Variants in RIT2 observed in about 807,000 individuals in gnomAD.
The protein encoded by RIT2 is GTP-binding protein Rit2.
RIT2 carries 24 observed loss-of-function variants against 23.7 expected under a neutral mutation model. The observed-to-expected ratio is 1.01, with a 90% CI of 0.73 to 1.43. The LOEUF (loss-of-function observed/expected upper bound fraction) is 1.43. Ranked by LOEUF, RIT2 falls within the 40% of genes most tolerant of loss-of-function variation. RIT2 has a pLI of 0.00. For missense variants in RIT2, 236 were observed against 266.9 expected (o/e 0.88, Z 0.81); for synonymous variants, 107 against 91.1 (o/e 1.17, Z -0.99).
At chr18:42,940,299 AT>A (rs1253169558) in intron 3 of RIT2, among the ~76,000 whole-genome samples, 3 of 144,572 alleles carry the variant, frequency 2.1e-5, no homozygotes, top group Admixed American at 7.1e-5. Context: ...ATATTAATAT[AT>A]TTAATATATT....
At chr18:42,768,945 G>A (rs1598646371) in intron 4 of RIT2, among the ~76,000 whole-genome samples, 1 of 151,894 alleles carries the variant, frequency 6.6e-6, no homozygotes, top group Admixed American at 6.6e-5. Context: ...CCCTATTTCT[G>A]GCTTCAGGGG....
At chr18:43,071,810 A>T (rs1259176917) in intron 1 of RIT2, among the ~76,000 whole-genome samples, 43 of 152,182 alleles carry the variant, frequency 2.8e-4, no homozygotes, top group Admixed American at 2.8e-3. Context: ...GAGAGGGTCT[A>T]TAGATTTCAT....
chr18:42,807,856 T>C (rs959353198), intron 4 of RIT2, among the ~76,000 whole-genome samples: 1 of 151,886 alleles, frequency 6.6e-6, no homozygotes, highest in Non-Finnish European at 1.5e-5. Context: ...TAGATGTGAG[T>C]TTCCTTGAGG....
chr18:42,774,836 T>A (rs1306712844), intron 4 of RIT2, among the ~76,000 whole-genome samples: 3 of 152,154 alleles, frequency 2.0e-5, no homozygotes, highest in Admixed American at 2.0e-4. Flanking sequence ...TTACCTTTAA[T>A]AGGTAGTGAT....
At chr18:42,867,703 A>G (rs1412962337) in intron 4 of RIT2, among the ~76,000 whole-genome samples, 1 of 151,840 alleles carries the variant, frequency 6.6e-6, no homozygotes, top group African/African-American at 2.4e-5. Context: ...CTGAGGTGGG[A>G]GGATTACTTC....
intron 1 of RIT2, among the ~76,000 whole-genome samples, chr18:43,036,208 A>C (rs1196505960): frequency 6.6e-6 from 1 of 152,186 alleles, no homozygotes; most frequent in Non-Finnish European, 1.5e-5. Context: ...ATCAGAAATA[A>C]ATGAATCAGT....
At chr18:42,820,408 C>G (rs912881771) in intron 4 of RIT2, among the ~76,000 whole-genome samples, 1 of 152,070 alleles carries the variant, frequency 6.6e-6, no homozygotes, top group Admixed American at 6.6e-5. Context: ...TCATTCATCT[C>G]TTTACATTTA....
chr18:43,085,415 G>T (rs894956355), intron 1 of RIT2, among the ~76,000 whole-genome samples: 1 of 151,638 alleles, frequency 6.6e-6, no homozygotes, highest in African/African-American at 2.4e-5. Flanking sequence ...TTATTATTTT[G>T]GTCACCACAC....
At chr18:42,766,776 G>A (rs1345425444) in intron 4 of RIT2, among the ~76,000 whole-genome samples, 2 of 152,182 alleles carry the variant, frequency 1.3e-5, no homozygotes, top group Non-Finnish European at 2.9e-5. Context: ...GGCAGGCCCA[G>A]AGTCACTGTG....
At chr18:43,033,402 C>T (rs963238629) in intron 2 of RIT2, among the ~76,000 whole-genome samples, 11 of 152,130 alleles carry the variant, frequency 7.2e-5, no homozygotes, top group Admixed American at 1.3e-4. Flanking sequence ...GCACCATTAA[C>T]ATGGCTAAAT....
At chr18:42,920,958 T>C (rs1909041575) in intron 4 of RIT2, among the ~76,000 whole-genome samples, 1 of 152,014 alleles carries the variant, frequency 6.6e-6, no homozygotes, top group Non-Finnish European at 1.5e-5. Flanking sequence ...TTTTTTTATA[T>C]GAAGAAACAG....
At chr18:42,974,827 A>G (rs1910442846) in intron 2 of RIT2, among the ~76,000 whole-genome samples, 1 of 152,090 alleles carries the variant, frequency 6.6e-6, no homozygotes, top group Non-Finnish European at 1.5e-5. Flanking sequence ...AATTAATGAA[A>G]TACTTAGAAT....
chr18:42,747,071 G>A (rs1054104376), intron 4 of RIT2, among the ~76,000 whole-genome samples: 4 of 151,970 alleles, frequency 2.6e-5, no homozygotes, highest in African/African-American at 7.2e-5. Flanking sequence ...ACAAGAGAAA[G>A]AAATAAAGGA....
chr18:42,779,174 C>T (rs990644829), intron 4 of RIT2, among the ~76,000 whole-genome samples: 1 of 152,166 alleles, frequency 6.6e-6, no homozygotes, highest in Non-Finnish European at 1.5e-5. Flanking sequence ...CTAGAGACCC[C>T]TGACCTCCCT....
chr18:42,885,039 G>C (rs1907985527), intron 4 of RIT2, among the ~76,000 whole-genome samples: 2 of 152,078 alleles, frequency 1.3e-5, no homozygotes, highest in Admixed American at 6.5e-5. Flanking sequence ...TTACACCATT[G>C]GATTAACTCA....
At chr18:42,924,482 T>G (rs1336085712) in intron 3 of RIT2, among the ~76,000 whole-genome samples, 1 of 152,102 alleles carries the variant, frequency 6.6e-6, no homozygotes, top group Non-Finnish European at 1.5e-5. Flanking sequence ...AAATTCAGTA[T>G]TTGTTCTGAA....
At chr18:42,971,879 G>A (rs1910369088) in intron 3 of RIT2, among the ~76,000 whole-genome samples, 2 of 151,974 alleles carry the variant, frequency 1.3e-5, no homozygotes, top group Non-Finnish European at 2.9e-5. Flanking sequence ...ACTAAGCAGT[G>A]ACATAGTCAA....
chr18:43,107,760 C>T (rs1304847592), intron 1 of RIT2, among the ~76,000 whole-genome samples: 2 of 152,148 alleles, frequency 1.3e-5, no homozygotes, highest in Admixed American at 1.3e-4. Context: ...GCTCCTCATG[C>T]CACTCACTAC....
At chr18:42,978,587 A>G (rs1342575134) in intron 2 of RIT2, among the ~76,000 whole-genome samples, 1 of 152,148 alleles carries the variant, frequency 6.6e-6, no homozygotes, top group African/African-American at 2.4e-5. Context: ...GCATGAGGCC[A>G]AATGTATACA....
Sources: allele counts gnomAD v4.1 joint callset (sites outside exome capture counted in the v4.1 genomes callset), GRCh38; gene constraint gnomAD v4.1.1; transcripts MANE v1.5; gene names NCBI Gene and HGNC (gene_info 2026-07-23, HGNC 2026-07-21).